PLCB1: variants seen among roughly 807,000 people sequenced by gnomAD.
PLCB1 encodes phospholipase C beta 1.
A neutral mutation model predicts 161.8 loss-of-function variants in PLCB1; 46 were observed. The observed-to-expected ratio is 0.28, with a 90% confidence interval of 0.22 to 0.36. PLCB1 has a LOEUF of 0.36. PLCB1 is among the 10% of genes least tolerant of loss of function. The pLI is 1.00. For missense variants in PLCB1, 1,016 were observed against 1,472.5 expected (o/e 0.69, Z 5.07); for synonymous variants, 517 against 503.7 (o/e 1.03, Z -0.35).
chr20:8,624,163 C>A (rs1163930637), intron 3 of PLCB1, among the ~76,000 whole-genome samples: 1 of 152,200 alleles, frequency 6.6e-6, no homozygotes, highest in South Asian at 2.1e-4. Context: ...CCATCTCTTT[C>A]ATTTCCAACT....
intron 2 of PLCB1, among the ~76,000 whole-genome samples, chr20:8,296,655 G>C (rs1221776889): frequency 6.6e-6 from 1 of 151,840 alleles, no homozygotes; most frequent in South Asian, 2.1e-4. Flanking sequence ...CTCCTTGTTT[G>C]GCATTCCTTC....
At chr20:8,375,199 T>C (rs956919104) in intron 3 of PLCB1, among the ~76,000 whole-genome samples, 1 of 152,216 alleles carries the variant, frequency 6.6e-6, no homozygotes, top group Non-Finnish European at 1.5e-5. Flanking sequence ...TAAAAGGTGC[T>C]TACTTTTTTT....
rs73899107 is a variant in PLCB1 at position 8,486,849 on chromosome 20, G to A, written c.246+115399G>A. Reference sequence around the variant, plus strand: ...AATCTTGCAAGGATGTAAATGACAAGCTGTATTTGTTTGTTGACATTATCT... The same window carrying A: ...AATCTTGCAAGGATGTAAATGACAAACTGTATTTGTTTGTTGACATTATCT... On this transcript the variant is annotated intron_variant, in intron 3 of 31. Coordinates refer to ENST00000338037, the MANE Select transcript of PLCB1 (RefSeq NM_015192.4). Among the ~76,000 whole-genome samples, 1,165 of 152,268 alleles carry A rather than the reference G, an allele frequency of 7.7e-3. 12 individuals carry two copies. The highest frequency in any genetic ancestry group is 0.027 in the African/African-American group (1,103 of 41,570).
chr20:8,382,796 C>T (rs768000633), intron 3 of PLCB1, among the ~76,000 whole-genome samples: 4 of 152,172 alleles, frequency 2.6e-5, no homozygotes, highest in Non-Finnish European at 4.4e-5. Flanking sequence ...ACCAGCCCAC[C>T]TCGGCCTCCC....
intron 2 of PLCB1, among the ~76,000 whole-genome samples, chr20:8,173,941 A>G (rs1317309097): frequency 1.3e-5 from 2 of 152,200 alleles, no homozygotes; most frequent in Admixed American, 6.5e-5. Flanking sequence ...AATGTACTCA[A>G]TCTGAACAAC....
chr20:8,635,804 T>C (rs1988745767), intron 4 of PLCB1, among the ~76,000 whole-genome samples: 1 of 152,202 alleles, frequency 6.6e-6, no homozygotes, highest in African/African-American at 2.4e-5. Flanking sequence ...TGAAGGGTTC[T>C]GCTAAGGCCA....
At chr20:8,817,162 G>T (rs547697760) in intron 31 of PLCB1, among the ~76,000 whole-genome samples, 1 of 152,254 alleles carries the variant, frequency 6.6e-6, no homozygotes, top group Admixed American at 6.5e-5. Flanking sequence ...ACAAAACAGA[G>T]AGACCTGAGC....
intron 3 of PLCB1, among the ~76,000 whole-genome samples, chr20:8,405,217 G>A (rs954484454): frequency 3.3e-5 from 5 of 152,130 alleles, no homozygotes; most frequent in Non-Finnish European, 5.9e-5. Context: ...GCTGATTTGG[G>A]CTGGGGTCTC....
In PLCB1 at chr20:8,821,496, AATAT is replaced by A. The variant is rs1568612738; in HGVS notation, c.3423+31236_3423+31239del. ...CCGTCTCAAAAAAAAAAAAAAAAAA[AATAT>A]GTATATATATATATATATATATATA... On this transcript the variant is annotated intron_variant, in intron 31 of 31. Coordinates refer to ENST00000338037, the MANE Select transcript of PLCB1 (RefSeq NM_015192.4). Among the ~76,000 whole-genome samples the A allele has an allele frequency of 8.4e-3, 25 of 2,980 alleles. 3 individuals carry two copies. Among genetic ancestry groups the A allele is most frequent in the African/African-American group, 0.022 (20 of 928 alleles). The allele number at this position is 2,980 out of a possible 152,430, so 2.0% of individuals were successfully genotyped here.
At chr20:8,784,899 G>A (rs1222768114) in intron 27 of PLCB1, among the ~76,000 whole-genome samples, 3 of 152,268 alleles carry the variant, frequency 2.0e-5, no homozygotes, top group Non-Finnish European at 4.4e-5. Context: ...CAGAGCTATC[G>A]CTGAGGTCGG....
intron 4 of PLCB1, among the ~76,000 whole-genome samples, chr20:8,643,920 C>G (rs899864517): frequency 2.2e-4 from 34 of 151,414 alleles, no homozygotes; most frequent in South Asian, 1.0e-3. Context: ...TCAGCCTGCC[C>G]AGTGCCTGCG....
intron 2 of PLCB1, among the ~76,000 whole-genome samples, chr20:8,285,668 C>T (rs1048303170): frequency 9.2e-5 from 14 of 152,150 alleles, no homozygotes; most frequent in East Asian, 5.8e-4. Flanking sequence ...CAGCTACCCA[C>T]GGCATTATTG....
chr20:8,168,160 G>C (rs1456568758), intron 2 of PLCB1, among the ~76,000 whole-genome samples: 1 of 152,160 alleles, frequency 6.6e-6, no homozygotes, highest in East Asian at 1.9e-4. Context: ...CTATGCCAAA[G>C]CAAATCATTC....
intron 31 of PLCB1, among the ~76,000 whole-genome samples, chr20:8,847,586 C>T (rs542492024): frequency 6.6e-6 from 1 of 152,262 alleles, no homozygotes; most frequent in African/African-American, 2.4e-5. Flanking sequence ...AATTTTGATG[C>T]ACCTGGATTT....
At chr20:8,349,223 T>C (rs1986099400) in intron 2 of PLCB1, among the ~76,000 whole-genome samples, 2 of 152,048 alleles carry the variant, frequency 1.3e-5, no homozygotes, top group African/African-American at 2.4e-5. Flanking sequence ...GAGAACCTGG[T>C]TGTGAAGATT....
chr20:8,869,151 A>G (rs1987527570), intron 31 of PLCB1, among the ~76,000 whole-genome samples: 1 of 152,140 alleles, frequency 6.6e-6, no homozygotes, highest in Admixed American at 6.6e-5. Context: ...ATACAATAGT[A>G]ACTTTCTGTT....
Position 8,132,677 on chromosome 20 carries a change from A to G in PLCB1, c.26A>G (p.His9Arg), listed in dbSNP as rs768579124. Residue 9 changes from histidine (H) to arginine (R), a missense_variant, in exon 1 of 32, where the codon CAC (histidine) becomes CGC (arginine). By Grantham distance (29) the His-to-Arg change is conservative (BLOSUM62 0). Coordinates refer to ENST00000338037, the MANE Select transcript of PLCB1 (RefSeq NM_015192.4). This position sits in a 1 kb window ranked among gnomAD's most constrained non-coding sequence, Gnocchi z 5.2. MAGAQPGV[H>R]ALQLKPVCVS... is the part of the protein sequence containing the mutation. Reference sequence around the variant, plus strand: ...ATGGCCGGGGCTCAACCCGGAGTGCACGCCTTGCAACTCAAGCCCGTGTGC... The same window carrying G: ...ATGGCCGGGGCTCAACCCGGAGTGCGCGCCTTGCAACTCAAGCCCGTGTGC... 1.2e-6 allele frequency: 2 copies of G among 1,612,526 alleles called. No homozygotes were observed. The highest frequency in any genetic ancestry group is 1.7e-5 in the Admixed American group (1 of 59,926).
intron 31 of PLCB1, among the ~76,000 whole-genome samples, chr20:8,847,251 A>C (rs1289954379): frequency 6.6e-6 from 1 of 152,184 alleles, no homozygotes; most frequent in Non-Finnish European, 1.5e-5. Context: ...GAGACAAAAG[A>C]AAGCTCTCAA....
At chr20:8,575,111 G>A (rs1986636203) in intron 3 of PLCB1, among the ~76,000 whole-genome samples, 1 of 152,228 alleles carries the variant, frequency 6.6e-6, no homozygotes, top group Admixed American at 6.5e-5. Context: ...TGGAGGCTCA[G>A]TGATACTTAG....
Sources: gnomAD v4.1 joint callset for allele counts (sites outside exome capture counted in the v4.1 genomes callset) on GRCh38, gnomAD v4.1.1 for gene constraint, Gnocchi (gnomAD v3.1) non-coding constraint, MANE v1.5 for transcripts, NCBI Gene and HGNC (gene_info 2026-07-23, HGNC 2026-07-21) for gene names.